The following FAM111B variants were observed in gnomAD, a reference collection of about 807,000 sequenced individuals.
FAM111B encodes the protein serine protease FAM111B.
A neutral mutation model predicts 2.8 loss-of-function variants in FAM111B; 1 was observed. That is an observed-to-expected ratio of 0.36 (90% CI 0.13 to 1.70). The LOEUF (loss-of-function observed/expected upper bound fraction) is 1.70. Ranked by LOEUF, FAM111B falls within the 40% of genes most tolerant of loss-of-function variation. The pLI, the probability that FAM111B is intolerant of heterozygous loss-of-function variation, is 0.35. For missense variants in FAM111B, 882 were observed against 878.9 expected (o/e 1.00, Z -0.04); for synonymous variants, 297 against 295.6 (o/e 1.00, Z -0.05).
At chr11:59,117,564 A>G (rs1435887577) in intron 3 of FAM111B, among the ~76,000 whole-genome samples, 2 of 152,182 alleles carry the variant, frequency 1.3e-5, no homozygotes, top group Admixed American at 6.5e-5. Context: ...CAGAGATGTT[A>G]AACAAGTAGC....
At chr11:59,114,164 T>C (rs1859805828) in intron 3 of FAM111B, among the ~76,000 whole-genome samples, 2 of 152,298 alleles carry the variant, frequency 1.3e-5, no homozygotes, top group South Asian at 4.1e-4. Context: ...CCAGACAGAA[T>C]GGTGAATGCA....
intron 3 of FAM111B, among the ~76,000 whole-genome samples, chr11:59,120,991 A>C (rs548003767): frequency 8.3e-4 from 126 of 152,130 alleles, no homozygotes; most frequent in African/African-American, 2.9e-3. Flanking sequence ...ATAAAAAGTG[A>C]TACCTACTTG....
chr11:59,124,591 G>A lies in FAM111B; in HGVS notation c.494G>A (p.Ser165Asn). 6.2e-7 allele frequency: 1 copy of A among 1,613,778 alleles called. No individual in the cohort carries two copies. Among genetic ancestry groups the A allele is most frequent in the Non-Finnish European group, 8.5e-7 (1 of 1,179,828 alleles). The change falls in exon 4 of 4, where the codon AGT becomes AAT. Residue 165 changes from serine (S) to asparagine (N), a missense_variant. Physicochemically the swap from Ser to Asn is conservative, Grantham distance 46. Coordinates refer to ENST00000343597, the MANE Select transcript of FAM111B (RefSeq NM_198947.4). ...HFKITFGQRKSSKEDGHILRQ... is the reference protein window; with the variant it reads ...HFKITFGQRKNSKEDGHILRQ... ...AAAATTACATTTGGTCAAAGAAAGA[G>A]TAGCAAAGAAGATGGACACATATTA...
intron 3 of FAM111B, among the ~76,000 whole-genome samples, chr11:59,113,258 T>G (rs1344347780): frequency 6.6e-6 from 1 of 152,244 alleles, no homozygotes; most frequent in Non-Finnish European, 1.5e-5. Flanking sequence ...ATCTTAACCA[T>G]GTTGAGTCTT....
Position 59,124,413 on chromosome 11 carries a change from A to G in FAM111B, c.316A>G (p.Ser106Gly). 1 of 1,613,720 alleles carries G rather than the reference A, an allele frequency of 6.2e-7. No homozygotes were observed. The highest frequency in any genetic ancestry group is 8.5e-7 in the Non-Finnish European group (1 of 1,179,858). Residue 106 changes from serine to glycine, a missense_variant, in exon 4 of 4, where the codon AGT (serine) becomes GGT (glycine). Coordinates refer to ENST00000343597, the MANE Select transcript of FAM111B (RefSeq NM_198947.4). ...VFTAYGKPSESIYSALSANDY... is the reference protein window; with the variant it reads ...VFTAYGKPSEGIYSALSANDY... ...TACAGCATATGGTAAACCCAGCGAG[A>G]GTATCTACTCAGCCCTGAGTGCTAA... is the stretch of plus-strand genomic sequence containing the variant.
chr11:59,112,697 G>A (rs578083880), intron 3 of FAM111B, among the ~76,000 whole-genome samples: 1 of 152,278 alleles, frequency 6.6e-6, no homozygotes, highest in South Asian at 2.1e-4. Context: ...CATTCTCATA[G>A]GTATGTAATG....
chr11:59,116,334 C>T (rs921382525), intron 3 of FAM111B, among the ~76,000 whole-genome samples: 3 of 152,186 alleles, frequency 2.0e-5, no homozygotes, highest in Non-Finnish European at 2.9e-5. Context: ...TCCAAATATG[C>T]CTGACCACAC....
At chr11:59,108,986 T>A (rs1859711564) in intron 2 of FAM111B, among the ~76,000 whole-genome samples, 1 of 152,270 alleles carries the variant, frequency 6.6e-6, no homozygotes, top group Non-Finnish European at 1.5e-5. Flanking sequence ...TTTTATTTAT[T>A]AGGTGGGAGC....
At position 59,109,025 on chromosome 11, in the gene FAM111B, G is replaced by A. The variant is rs183382555; in HGVS notation, c.-87+313G>A. Among the ~76,000 whole-genome samples, 12 of 152,184 alleles carry A rather than the reference G, an allele frequency of 7.9e-5. No homozygotes were observed. The East Asian group carries it at 1.3e-3, about 17-fold the overall frequency. On this transcript the variant is annotated intron_variant, in intron 2 of 3. Transcript: ENST00000343597. ...ACTAGGGCTAATTTTGTCCTACTGC[G>A]GAAGAAATACCTTGCAGAGTAGTCT...
At chr11:59,115,194 T>C (rs1859821042) in intron 3 of FAM111B, among the ~76,000 whole-genome samples, 1 of 152,148 alleles carries the variant, frequency 6.6e-6, no homozygotes, top group Admixed American at 6.5e-5. Flanking sequence ...TTCTTTATGC[T>C]ATTCTTCTTT....
intron 1 of FAM111B, among the ~76,000 whole-genome samples, chr11:59,107,989 A>G (rs1299346747): frequency 5.3e-5 from 8 of 152,190 alleles, no homozygotes; most frequent in Non-Finnish European, 5.9e-5. Flanking sequence ...GGGCTTTAGG[A>G]AAGCATTGAG....
At chr11:59,107,668 G>C (rs1859685543) in intron 1 of FAM111B, among the ~76,000 whole-genome samples, 1 of 152,218 alleles carries the variant, frequency 6.6e-6, no homozygotes, top group Non-Finnish European at 1.5e-5. Context: ...GGAGTGTAGT[G>C]TGAGGGTGCT....
chr11:59,121,882 C>T (rs1226525909), intron 3 of FAM111B, among the ~76,000 whole-genome samples: 1 of 152,202 alleles, frequency 6.6e-6, no homozygotes, highest in East Asian at 1.9e-4. Flanking sequence ...CAGTGGCTCA[C>T]ACCTGTAATC....
Position 59,124,882 on chromosome 11 carries a change from A to G in FAM111B, c.785A>G (p.Lys262Arg), listed in dbSNP as rs1761410852. 1 of 1,605,490 alleles carries G rather than the reference A, an allele frequency of 6.2e-7. No homozygotes were observed. Among genetic ancestry groups the G allele is most frequent in the Non-Finnish European group, 8.5e-7 (1 of 1,177,606 alleles). ...KQSMVDEVSG[K>R]VLEMDISKKK... The stretch of plus-strand genomic sequence containing the variant: ...TCCATGGTGGATGAAGTATCTGGAA[A>G]AGTCTTAGAAATGGACATTTCAAAA... The change falls in exon 4 of 4, where the codon AAA becomes AGA. Residue 262 changes from lysine (K) to arginine (R), a missense_variant. By Grantham distance (26) the Lys-to-Arg change is conservative. Coordinates refer to ENST00000343597, the MANE Select transcript of FAM111B (RefSeq NM_198947.4).
Position 59,126,386 on chromosome 11 carries a change from A to G in FAM111B, c.*84A>G. On this transcript the variant is annotated 3_prime_UTR_variant, in exon 4 of 4. Coordinates refer to ENST00000343597, the MANE Select transcript of FAM111B (RefSeq NM_198947.4). ...AAAGACACTTAAAGCAATTGCAACA[A>G]AAGTGAAAATTGGCAAATGAGACCT... 8.3e-7 allele frequency: 1 copy of G among 1,200,670 alleles called. No individual in the cohort carries two copies. The highest frequency in any genetic ancestry group is 1.8e-5 in the South Asian group (1 of 56,166). The allele number at this position is 1,200,670 out of a possible 1,614,324, so 74.4% of individuals were successfully genotyped here. A position where few individuals can be genotyped will look rare whatever the true frequency, so the allele number is the denominator to read the frequency against.
chr11:59,120,973 T>A (rs571873955), intron 3 of FAM111B, among the ~76,000 whole-genome samples: 2 of 149,050 alleles, frequency 1.3e-5, no homozygotes, highest in Admixed American at 6.8e-5. Flanking sequence ...GTTATCCACA[T>A]GCAAAAAATA....
Position 59,125,666 on chromosome 11 carries a change from C to T in FAM111B, c.1569C>T (p.Cys523=). Reference sequence around the variant, plus strand: ...TAACCTTCACTTATACAGAGTTCTGCCCTACTCCTGACAATTGGTTTTCCA... The same window carrying T: ...TAACCTTCACTTATACAGAGTTCTGTCCTACTCCTGACAATTGGTTTTCCA... The part of the protein sequence containing the change: ...AKVTFTYTEF[C]PTPDNWFSIE... Residue 523 remains cysteine (C), a synonymous_variant, in exon 4 of 4, where the codon TGC becomes TGT. Coordinates refer to ENST00000343597, the MANE Select transcript of FAM111B (RefSeq NM_198947.4). 1 of 1,613,930 alleles carries T rather than the reference C, an allele frequency of 6.2e-7. No homozygotes were observed. Among genetic ancestry groups the T allele is most frequent in the Non-Finnish European group, 8.5e-7 (1 of 1,179,836 alleles).
In FAM111B at chr11:59,124,155, C is replaced by G. The variant is rs796371171; in HGVS notation, c.82-24C>G. On this transcript the variant is annotated intron_variant, in intron 3 of 3. Coordinates refer to ENST00000343597, the MANE Select transcript of FAM111B (RefSeq NM_198947.4). ...CATTATTAAAGGTGATTCTTGTTAA[C>G]CTCTTTAATCTTTCCTTTTTAAGGA... The G allele has an allele frequency of 4.0e-6, 6 of 1,518,446 alleles. No homozygotes were observed. The African/African-American group carries it at 5.6e-5, about 14-fold the overall frequency. The allele number at this position is 1,518,446 out of a possible 1,614,324, so 94.1% of individuals were successfully genotyped here.
Position 59,126,380 on chromosome 11 carries a change from G to A in FAM111B, c.*78G>A. On this transcript the variant is annotated 3_prime_UTR_variant, in exon 4 of 4. Coordinates refer to ENST00000343597, the MANE Select transcript of FAM111B (RefSeq NM_198947.4). ...CATGACAAAGACACTTAAAGCAATTGCAACAAAAGTGAAAATTGGCAAATG... is the reference window on the plus strand; with the variant it reads ...CATGACAAAGACACTTAAAGCAATTACAACAAAAGTGAAAATTGGCAAATG... The A allele has an allele frequency of 8.1e-7, 1 of 1,236,796 alleles. No homozygotes were observed. The highest frequency in any genetic ancestry group is 1.1e-6 in the Non-Finnish European group (1 of 910,498). The allele number at this position is 1,236,796 out of a possible 1,614,324, so 76.6% of individuals were successfully genotyped here.
Sources: allele counts gnomAD v4.1 joint callset (sites outside exome capture counted in the v4.1 genomes callset), GRCh38; gene constraint gnomAD v4.1.1; transcripts MANE v1.5; gene names NCBI Gene and HGNC (gene_info 2026-07-23, HGNC 2026-07-21).